Variants in HOOK1 observed in about 807,000 individuals in gnomAD.
HOOK1 encodes the protein protein Hook homolog 1.
HOOK1 carries 60 observed loss-of-function variants against 112.8 expected under a neutral mutation model. The ratio of observed to expected loss-of-function variants is 0.53; its 90% CI spans 0.43 to 0.66. The LOEUF is 0.66. Ranked by LOEUF, HOOK1 falls within the 30% of genes least tolerant of loss-of-function variation. The probability of loss-of-function intolerance (pLI) is 0.00; values close to 1 mark genes in which losing one functional copy is unlikely to be tolerated. For synonymous variants in HOOK1, 294 were observed against 283.8 expected (o/e 1.04, Z -0.36); for missense variants, 770 against 856.0 (o/e 0.90, Z 1.25).
In HOOK1 at chr1:59,843,388, G is replaced by GT. The variant is rs756841885; in HGVS notation, c.622-36dup. On this transcript the variant is annotated intron_variant, in intron 8 of 21. Transcript: ENST00000371208. ...CTCTAATAAGAATTTTTATTTTTTTGTTTTTTTTCTACTGGTGCTTATGTA... is the reference window on the plus strand; with the variant it reads ...CTCTAATAAGAATTTTTATTTTTTTGTTTTTTTTTCTACTGGTGCTTATGTA... The GT allele has an allele frequency of 2.2e-4, 305 of 1,410,250 alleles. 3 individuals carry two copies. The Middle Eastern group carries it at 3.9e-3, about 18-fold the overall frequency. The allele number at this position is 1,410,250 out of a possible 1,614,324, so 87.4% of individuals were successfully genotyped here.
intron 12 of HOOK1, among the ~76,000 whole-genome samples, chr1:59,854,296 T>C (rs2098409385): frequency 1.3e-5 from 2 of 151,378 alleles, no homozygotes; most frequent in Admixed American, 1.3e-4. Context: ...GTGACCCACC[T>C]GCCTCGACCT....
intron 1 of HOOK1, among the ~76,000 whole-genome samples, chr1:59,818,879 G>T (rs1158032129): frequency 6.6e-6 from 1 of 152,044 alleles, no homozygotes; most frequent in Admixed American, 6.6e-5. Flanking sequence ...TTGGCTGTTG[G>T]TTGTGAAAAC....
chr1:59,865,793 AT>A (rs1643953149), intron 18 of HOOK1, 78 bp from the exon 19 acceptor site: 1 of 511,216 alleles, frequency 2.0e-6, no homozygotes. Flanking sequence ...TATAAATATA[AT>A]TTTATGTGAG....
At chr1:59,827,894 T>A (rs2098391129) in intron 2 of HOOK1, among the ~76,000 whole-genome samples, 1 of 152,156 alleles carries the variant, frequency 6.6e-6, no homozygotes, top group Non-Finnish European at 1.5e-5. Flanking sequence ...AAGTAAGAAT[T>A]TAGATGAGAC....
At chr1:59,850,456 T>A (rs1049867494) in intron 12 of HOOK1, among the ~76,000 whole-genome samples, 1 of 151,486 alleles carries the variant, frequency 6.6e-6, no homozygotes, top group Admixed American at 6.6e-5. Context: ...TAACCTAAGG[T>A]ACAAAGATTT....
intron 3 of HOOK1, among the ~76,000 whole-genome samples, chr1:59,831,416 A>G (rs1479157189): frequency 4.6e-5 from 7 of 152,152 alleles, no homozygotes; most frequent in Admixed American, 4.6e-4. Context: ...TTTGGCCTGT[A>G]TAATCTTTGG....
At chr1:59,865,509 T>C (rs1643945212) in intron 18 of HOOK1, among the ~76,000 whole-genome samples, 1 of 152,086 alleles carries the variant, frequency 6.6e-6, no homozygotes, top group South Asian at 2.1e-4. Context: ...TGGGTAAAAA[T>C]GATTTCAAAT....
At chr1:59,818,918 A>T (rs1197271365) in intron 1 of HOOK1, among the ~76,000 whole-genome samples, 1 of 152,022 alleles carries the variant, frequency 6.6e-6, no homozygotes, top group African/African-American at 2.4e-5. Context: ...TGTGACATTT[A>T]TATTAAAGTA....
At chr1:59,853,163 A>T (rs2098408136) in intron 12 of HOOK1, among the ~76,000 whole-genome samples, 1 of 152,082 alleles carries the variant, frequency 6.6e-6, no homozygotes, top group Non-Finnish European at 1.5e-5. Flanking sequence ...TTGTTCAAGT[A>T]TTCTACCTTG....
intron 11 of HOOK1, 24 bp downstream of exon 11, chr1:59,848,540 T>C (rs2098405428): frequency 6.6e-7 from 1 of 1,504,584 alleles, no homozygotes; most frequent in Non-Finnish European, 9.2e-7. Context: ...TAATTTTTAA[T>C]TGATAAAATT....
intron 2 of HOOK1, among the ~76,000 whole-genome samples, chr1:59,823,136 T>A (rs113867221): frequency 3.9e-5 from 6 of 152,068 alleles, no homozygotes; most frequent in East Asian, 1.9e-4. Context: ...CTGGCTAACA[T>A]GGTGAAACCC....
At position 59,833,512 on chromosome 1, in the gene HOOK1, T is replaced by C. The variant is rs968473346; in HGVS notation, c.381T>C (p.Cys127=). ...GGTTGCTCCAGCTTATTTTAGGTTG[T>C]GCGATCAACTGTGAAAAGAAGCAAG... ...LGRLLQLILG[C]AINCEKKQEH... Residue 127 remains cysteine (C), a synonymous_variant, in exon 5 of 22, where the codon TGT becomes TGC. Coordinates refer to ENST00000371208, the MANE Select transcript of HOOK1 (RefSeq NM_015888.6). The C allele has an allele frequency of 2.5e-6, 4 of 1,576,542 alleles. No homozygotes were observed. Among genetic ancestry groups the C allele is most frequent in the Non-Finnish European group, 3.5e-6 (4 of 1,156,682 alleles).
intron 6 of HOOK1, 134 bp from the exon 7 acceptor site, chr1:59,836,739 T>G (rs2098397959): frequency 1.9e-6 from 1 of 517,496 alleles, no homozygotes; most frequent in Non-Finnish European, 3.4e-6. Flanking sequence ...TTTATCTGAA[T>G]AGCGTTCTAA....
At chr1:59,869,799 C>T (rs1644027012) in intron 20 of HOOK1, among the ~76,000 whole-genome samples, 1 of 152,122 alleles carries the variant, frequency 6.6e-6, no homozygotes, top group Non-Finnish European at 1.5e-5. Flanking sequence ...TCTTGAAATT[C>T]TAAGTCAAAT....
In HOOK1 at chr1:59,873,259, T is replaced by C. The variant is rs1644086255; in HGVS notation, c.*294T>C. On this transcript the variant is annotated 3_prime_UTR_variant, in exon 22 of 22. Coordinates refer to ENST00000371208, the MANE Select transcript of HOOK1 (RefSeq NM_015888.6). The stretch of plus-strand genomic sequence containing the variant: ...ATTATAATTTCAAATTGGCCTTGTA[T>C]ATTTTAGTTAAATGTTTTCAGTTGT... The C allele has an allele frequency of 4.6e-6, 1 of 215,468 alleles. No individual in the cohort carries two copies. Among genetic ancestry groups the C allele is most frequent in the Non-Finnish European group, 9.0e-6 (1 of 110,638 alleles). 13.3% of individuals were successfully genotyped at this position (215,468 alleles called of 1,614,324 possible).
Position 59,837,660 on chromosome 1 carries a change from A to G in HOOK1, c.537+725A>G, listed in dbSNP as rs113744817. 1.8e-4 allele frequency among the ~76,000 whole-genome samples: 27 copies of G among 152,280 alleles called. No individual in the cohort carries two copies. The South Asian group carries it at 1.9e-3, about 11-fold the overall frequency. On this transcript the variant is annotated intron_variant, in intron 7 of 21. Transcript: ENST00000371208. ...GTAGTTCTGTGGGACTGTAGCCTTC[A>G]ATGTTAATGAGGTCATGTAAAACAA...
rs1410357690 is a variant in HOOK1 at position 59,858,994 on chromosome 1, C to G, written c.1340C>G (p.Ala447Gly). 1 of 1,570,118 alleles carries G rather than the reference C, an allele frequency of 6.4e-7. No individual in the cohort carries two copies. Among genetic ancestry groups the G allele is most frequent in the Non-Finnish European group, 8.7e-7 (1 of 1,144,380 alleles). Reference sequence around the variant, plus strand: ...TTTTGTTATTTTTTAGATGCATCTGCTACAAAAAGTTATGAGAATCTTGCT... The same window carrying G: ...TTTTGTTATTTTTTAGATGCATCTGGTACAAAAAGTTATGAGAATCTTGCT... Reference protein sequence around the residue: ...QDHLNQTDASATKSYENLAAE... With the variant: ...QDHLNQTDASGTKSYENLAAE... The change falls in exon 14 of 22, where the codon GCT (alanine) becomes GGT (glycine). Residue 447 changes from alanine (A) to glycine (G), a missense_variant. Coordinates refer to ENST00000371208, the MANE Select transcript of HOOK1 (RefSeq NM_015888.6).
chr1:59,862,084 C>G (rs1382317170), intron 15 of HOOK1, among the ~76,000 whole-genome samples: 1 of 152,046 alleles, frequency 6.6e-6, no homozygotes, highest in African/African-American at 2.4e-5. Context: ...AAGTTGTTAG[C>G]ACTGGGGAAA....
intron 8 of HOOK1, among the ~76,000 whole-genome samples, chr1:59,841,088 A>G (rs1245907510): frequency 6.6e-6 from 1 of 152,168 alleles, no homozygotes; most frequent in Non-Finnish European, 1.5e-5. Context: ...CGTGAGGGTT[A>G]AATGAGTTCA....
Sources: allele counts gnomAD v4.1 joint callset (sites outside exome capture counted in the v4.1 genomes callset), GRCh38; gene constraint gnomAD v4.1.1; transcripts MANE v1.5; gene names NCBI Gene and HGNC (gene_info 2026-07-23, HGNC 2026-07-21).